FBXO16: variants seen among roughly 807,000 people sequenced by gnomAD.
The protein encoded by FBXO16 is F-box protein 16.
FBXO16 carries 31 observed loss-of-function variants against 41.0 expected under a neutral mutation model. That is an observed-to-expected ratio of 0.76 (90% confidence interval 0.57 to 1.02). The LOEUF is 1.02. Ranked by LOEUF, FBXO16 falls within the 50% of genes least tolerant of loss-of-function variation. The pLI is 0.00. For missense variants in FBXO16, 361 were observed against 346.2 expected (o/e 1.04, Z -0.34); for synonymous variants, 133 against 117.8 (o/e 1.13, Z -0.84).
chr8:28,447,341 A>AT (rs1244317805), intron 6 of FBXO16, 68 bp from the exon 7 acceptor site: 6 of 1,335,312 alleles, frequency 4.5e-6, no homozygotes, highest in Non-Finnish European at 6.3e-6. Context: ...TTGCATAGCT[A>AT]TTTGTCTGTT....
intron 7 of FBXO16, among the ~76,000 whole-genome samples, chr8:28,441,798 G>T (rs1236135879): frequency 1.3e-5 from 2 of 148,988 alleles, no homozygotes; most frequent in African/African-American, 2.5e-5. Context: ...GAAAATCTTT[G>T]AAGTTTAATG....
At chr8:28,448,628 C>A (rs1434377294) in intron 6 of FBXO16, among the ~76,000 whole-genome samples, 1 of 152,148 alleles carries the variant, frequency 6.6e-6, no homozygotes, top group Non-Finnish European at 1.5e-5. Context: ...TCTGAATATT[C>A]TTGATAGAAT....
chr8:28,447,150 T>A (rs750695634), intron 7 of FBXO16, 21 bp downstream of exon 7: 25 of 1,582,366 alleles, frequency 1.6e-5, no homozygotes, highest in Non-Finnish European at 2.2e-5. Flanking sequence ...TGGTGATGAA[T>A]CTTTCATAAA....
At chr8:28,446,939 T>A (rs1802873584) in intron 7 of FBXO16, 1 of 392,136 alleles carries the variant, frequency 2.6e-6, no homozygotes, top group Non-Finnish European at 4.6e-6. Flanking sequence ...ACACATCAGT[T>A]CATCCAGTCT....
At chr8:28,436,462 T>A (rs911479389) in intron 7 of FBXO16, among the ~76,000 whole-genome samples, 22 of 152,350 alleles carry the variant, frequency 1.4e-4, no homozygotes, top group African/African-American at 5.3e-4. Context: ...GTGTTTGTTT[T>A]ATCTTTTAAG....
rs1585909898 is a variant in FBXO16, at chr8:28,463,704, C to T, written c.250G>A (p.Glu84Lys). 3.7e-6 allele frequency: 6 copies of T among 1,614,234 alleles called. No individual in the cohort carries two copies. Among genetic ancestry groups the T allele is most frequent in the Non-Finnish European group, 5.1e-6 (6 of 1,180,044 alleles). The part of the protein sequence containing the change: ...CRKLQEKIPA[E>K]ALDFTTKLPR... ...AGCTTGGTTGTAAAGTCCAGGGCTT[C>T]TGCTGGAATTTTCTCTTGAAGCTTT... The change falls in exon 4 of 9, where the codon GAA (glutamate) becomes AAA (lysine). Residue 84 changes from glutamate (E) to lysine (K), a missense_variant. By Grantham distance (56) the Glu-to-Lys change is moderately conservative (BLOSUM62 1). Coordinates refer to ENST00000380254, the MANE Select transcript of FBXO16 (RefSeq NM_172366.4).
At chr8:28,463,890 G>C (rs747509716) in intron 3 of FBXO16, 72 bp from the exon 4 acceptor site, 23 of 1,392,384 alleles carry the variant, frequency 1.7e-5, no homozygotes, top group Non-Finnish European at 2.2e-5. Flanking sequence ...TTACGAGTAA[G>C]ACATGACAAT....
intron 2 of FBXO16, 23 bp from the exon 3 acceptor site, chr8:28,473,830 T>C: frequency 1.3e-6 from 2 of 1,574,894 alleles, no homozygotes; most frequent in Middle Eastern, 1.7e-4. Context: ...AAAAAGAATA[T>C]GGTAATTTCA....
intron 1 of FBXO16, among the ~76,000 whole-genome samples, chr8:28,488,185 T>C (rs899341416): frequency 1.3e-5 from 2 of 151,770 alleles, no homozygotes; most frequent in African/African-American, 4.8e-5. Flanking sequence ...AGAATTAAAA[T>C]ACAGAAAGAG....
At chr8:28,438,298 A>G (rs186934359) in intron 7 of FBXO16, among the ~76,000 whole-genome samples, 14 of 152,344 alleles carry the variant, frequency 9.2e-5, no homozygotes, top group African/African-American at 3.4e-4. Flanking sequence ...CCTGGGCAAC[A>G]GAGTGAGACT....
intron 7 of FBXO16, among the ~76,000 whole-genome samples, chr8:28,440,797 T>A (rs1342988033): frequency 2.0e-5 from 3 of 152,244 alleles, no homozygotes; most frequent in Admixed American, 6.5e-5. Flanking sequence ...AACGGCAGGC[T>A]TTTTGAAATC....
At chr8:28,453,268 C>T (rs1323563120) in intron 5 of FBXO16, among the ~76,000 whole-genome samples, 1 of 149,354 alleles carries the variant, frequency 6.7e-6, no homozygotes, top group Admixed American at 6.6e-5. Context: ...CACATAAGAC[C>T]TCCCTATCCT....
intron 3 of FBXO16, among the ~76,000 whole-genome samples, chr8:28,472,015 T>C (rs930402577): frequency 1.3e-5 from 2 of 152,070 alleles, no homozygotes; most frequent in African/African-American, 4.8e-5. Context: ...AGGGTATATA[T>C]GAATGCTGAG....
At chr8:28,434,391 T>G (rs1802656398) in intron 7 of FBXO16, among the ~76,000 whole-genome samples, 1 of 152,204 alleles carries the variant, frequency 6.6e-6, no homozygotes, top group South Asian at 2.1e-4. Context: ...AAGAAGCAAG[T>G]GGATGTGGAA....
chr8:28,453,924 G>A (rs1009702809), intron 5 of FBXO16, among the ~76,000 whole-genome samples: 10 of 152,022 alleles, frequency 6.6e-5, no homozygotes, highest in African/African-American at 2.2e-4. Flanking sequence ...AGCACTTTGG[G>A]AGGCCGAGGA....
At chr8:28,467,326 C>T (rs1803260336) in intron 3 of FBXO16, among the ~76,000 whole-genome samples, 1 of 152,032 alleles carries the variant, frequency 6.6e-6, no homozygotes, top group African/African-American at 2.4e-5. Context: ...TGATGGTGGG[C>T]TTAGGAATAA....
chr8:28,457,348 T>A (rs76287199), intron 4 of FBXO16, among the ~76,000 whole-genome samples: 7 of 152,340 alleles, frequency 4.6e-5, no homozygotes, highest in Admixed American at 6.5e-5. Flanking sequence ...GCACTTTTTT[T>A]ATTCTTTTCA....
chr8:28,471,788 A>G (rs1020325104), intron 3 of FBXO16, among the ~76,000 whole-genome samples: 8 of 148,982 alleles, frequency 5.4e-5, no homozygotes, highest in Non-Finnish European at 1.2e-4. Context: ...CTCTTGAAGA[A>G]AGAAAACAGA....
intron 3 of FBXO16, among the ~76,000 whole-genome samples, chr8:28,467,173 T>C (rs1220071631): frequency 6.6e-6 from 1 of 152,110 alleles, no homozygotes; most frequent in African/African-American, 2.4e-5. Context: ...AGACCCAGGA[T>C]GATTACGGTT....
Sources: gnomAD v4.1 joint callset for allele counts (sites outside exome capture counted in the v4.1 genomes callset) on GRCh38, gnomAD v4.1.1 for gene constraint, MANE v1.5 for transcripts, NCBI Gene and HGNC (gene_info 2026-07-23, HGNC 2026-07-21) for gene names.